The following C12orf54 variants were observed in gnomAD, a reference collection of about 807,000 sequenced individuals.
C12orf54 encodes the protein uncharacterized protein C12orf54.
C12orf54 carries 24 observed loss-of-function variants against 26.4 expected under a neutral mutation model. The observed-to-expected ratio is 0.91, with a 90% CI of 0.66 to 1.28. The LOEUF (loss-of-function observed/expected upper bound fraction) is 1.28, where lower values mean the gene tolerates loss of function less well. Among genes scored for constraint, C12orf54 ranks in the 50% most tolerant of loss-of-function variants. The probability of loss-of-function intolerance (pLI) is 0.00; values close to 1 mark genes in which losing one functional copy is unlikely to be tolerated. For missense variants in C12orf54, 154 were observed against 150.9 expected, an observed-to-expected ratio of 1.02 and a Z score of -0.11; for synonymous variants, 54 against 47.0, an observed-to-expected ratio of 1.15 and a Z score of -0.61.
At chr12:48,488,789 C>T in intron 4 of C12orf54, 135 bp from the exon 5 acceptor site, 1 of 732,702 alleles carries the variant, frequency 1.4e-6, no homozygotes, top group Non-Finnish European at 2.3e-6. Flanking sequence ...CGCTACAAAG[C>T]CACAGTCTCT....
the C12orf54 span, among the ~76,000 whole-genome samples, chr12:48,466,881 A>T: frequency 0.14 from 22,020 of 152,106 alleles, 2,809 homozygotes; most frequent in East Asian, 0.66. Flanking sequence ...TTGTGAATGG[A>T]TGTTCATAGC....
At chr12:48,415,296 A>G in the C12orf54 span, among the ~76,000 whole-genome samples, 3 of 152,296 alleles carry the variant, frequency 2.0e-5, no homozygotes, top group Middle Eastern at 3.4e-3. Context: ...TATTTTCTCA[A>G]TCTCCTTCAC....
At chr12:48,487,769 A>G (rs1187095654) in intron 4 of C12orf54, 1 of 381,012 alleles carries the variant, frequency 2.6e-6, no homozygotes, top group Non-Finnish European at 4.8e-6. Context: ...ATCTACATAC[A>G]CTATATTTCC....
chr12:48,457,331 T>A, the C12orf54 span, among the ~76,000 whole-genome samples: 1 of 151,890 alleles, frequency 6.6e-6, no homozygotes, highest in African/African-American at 2.4e-5. Flanking sequence ...TTTGTTTAGT[T>A]TTTTTGTTTG....
chr12:48,425,935 T>C, the C12orf54 span, among the ~76,000 whole-genome samples: 17 of 151,056 alleles, frequency 1.1e-4, no homozygotes, highest in Non-Finnish European at 2.4e-4. Flanking sequence ...TGTTTGGCTT[T>C]TTTTTTTTTT....
intron 5 of C12orf54, among the ~76,000 whole-genome samples, chr12:48,490,379 G>A (rs542848140): frequency 6.6e-6 from 1 of 152,296 alleles, no homozygotes; most frequent in Admixed American, 6.5e-5. Context: ...CAGGCAGGGT[G>A]GCCAAAGTGG....
chr12:48,478,717 A>C (rs1397736098), upstream of C12orf54, among the ~76,000 whole-genome samples: 3 of 152,232 alleles, frequency 2.0e-5, no homozygotes, highest in Non-Finnish European at 4.4e-5. Flanking sequence ...CTTCAAGGAG[A>C]CACTTCTCAA....
chr12:48,452,884 G>T, the C12orf54 span, among the ~76,000 whole-genome samples: 1 of 152,158 alleles, frequency 6.6e-6, no homozygotes, highest in Non-Finnish European at 1.5e-5. Flanking sequence ...TTTTTACACC[G>T]TTGGTGGGAG....
At chr12:48,415,253 C>T in the C12orf54 span, among the ~76,000 whole-genome samples, 50 of 152,288 alleles carry the variant, frequency 3.3e-4, no homozygotes, top group South Asian at 1.9e-3. Context: ...ACAAATAGCT[C>T]CCTTGACTTC....
the C12orf54 span, among the ~76,000 whole-genome samples, chr12:48,462,285 C>T: frequency 6.6e-6 from 1 of 151,186 alleles, no homozygotes; most frequent in African/African-American, 2.4e-5. Context: ...AAAATTTAGG[C>T]CCATATGGCT....
chr12:48,446,453 G>C, the C12orf54 span, among the ~76,000 whole-genome samples: 1 of 152,102 alleles, frequency 6.6e-6, no homozygotes, highest in Non-Finnish European at 1.5e-5. Flanking sequence ...AGTACTAAGA[G>C]CATCATGCTA....
the C12orf54 span, among the ~76,000 whole-genome samples, chr12:48,451,728 C>T: frequency 6.6e-6 from 1 of 152,128 alleles, no homozygotes; most frequent in Non-Finnish European, 1.5e-5. Flanking sequence ...TCACAATGAA[C>T]TCCCATTCAC....
At chr12:48,422,030 T>C in the C12orf54 span, among the ~76,000 whole-genome samples, 2 of 152,176 alleles carry the variant, frequency 1.3e-5, no homozygotes, top group Non-Finnish European at 2.9e-5. Context: ...GCGGATGGTG[T>C]ATCTATTAAT....
At chr12:48,432,181 A>T in the C12orf54 span, among the ~76,000 whole-genome samples, 1 of 152,354 alleles carries the variant, frequency 6.6e-6, no homozygotes, top group African/African-American at 2.4e-5. Context: ...ATTTGTTATT[A>T]ACAAATTAAA....
rs576835411 is a variant in C12orf54, at chr12:48,494,829, C to A, written c.274C>A (p.Pro92Thr). The A allele has an allele frequency of 9.9e-6, 16 of 1,613,808 alleles. No homozygotes were observed. Among genetic ancestry groups the A allele is most frequent in the Non-Finnish European group, 1.4e-5 (16 of 1,179,820 alleles). The change falls in exon 8 of 9, where the codon CCA becomes ACA. Residue 92 changes from proline (P) to threonine (T), a missense_variant. Coordinates refer to ENST00000548364, the MANE Select transcript of C12orf54 (RefSeq NM_152319.4). The part of the protein sequence containing the change: ...SIRPPDSLMT[P>T]KLRRLQFSSG... ...AAGGCCTCCAGATTCCTTGATGACC[C>A]CAAAGTTGAGAAGATTGCAGTTCAG... is the stretch of plus-strand genomic sequence containing the variant.
At chr12:48,462,796 CAT>C in the C12orf54 span, among the ~76,000 whole-genome samples, 3 of 151,768 alleles carry the variant, frequency 2.0e-5, no homozygotes, top group South Asian at 6.2e-4. Flanking sequence ...CATAATACTT[CAT>C]AGTAAAAGAC....
At chr12:48,465,775 A>G in the C12orf54 span, among the ~76,000 whole-genome samples, 1 of 152,190 alleles carries the variant, frequency 6.6e-6, no homozygotes, top group Non-Finnish European at 1.5e-5. Context: ...ACATAAATGG[A>G]ACTAGAAGCC....
At chr12:48,425,889 AT>A in the C12orf54 span, among the ~76,000 whole-genome samples, 1 of 149,004 alleles carries the variant, frequency 6.7e-6, no homozygotes, top group African/African-American at 2.5e-5. Context: ...ATTGAAAAGT[AT>A]CGGTTCATAT....
At chr12:48,446,700 C>G in the C12orf54 span, among the ~76,000 whole-genome samples, 23 of 152,064 alleles carry the variant, frequency 1.5e-4, no homozygotes, top group East Asian at 4.4e-3. Context: ...GCCAATATTG[C>G]CATGTATTTA....
Sources: gnomAD v4.1 joint callset for allele counts (sites outside exome capture counted in the v4.1 genomes callset) on GRCh38, gnomAD v4.1.1 for gene constraint, MANE v1.5 for transcripts, NCBI Gene and HGNC (gene_info 2026-07-23, HGNC 2026-07-21) for gene names.